The following COL4A4 variants were observed in gnomAD, a reference collection of about 807,000 sequenced individuals.
The protein encoded by COL4A4 is collagen type IV alpha 4 chain.
In COL4A4, 105 loss-of-function variants were observed where a neutral mutation model predicts 192.9. The observed-to-expected ratio is 0.54, with a 90% CI of 0.46 to 0.64. The LOEUF (loss-of-function observed/expected upper bound fraction) is 0.64. Ranked by LOEUF, COL4A4 falls within the 30% of genes least tolerant of loss-of-function variation. The probability of loss-of-function intolerance (pLI) is 0.00; values close to 1 mark genes in which losing one functional copy is unlikely to be tolerated. For missense variants in COL4A4, 1,967 were observed against 2,169.3 expected (o/e 0.91, Z 1.85); for synonymous variants, 762 against 769.9 (o/e 0.99, Z 0.17).
intron 28 of COL4A4, among the ~76,000 whole-genome samples, chr2:227,058,610 T>A (rs1038236610): frequency 6.6e-6 from 1 of 152,170 alleles, no homozygotes; most frequent in Non-Finnish European, 1.5e-5. Context: ...CACCGACTTT[T>A]AGAAAAGAAC....
chr2:227,032,953 C>T (rs754332342), intron 38 of COL4A4, among the ~76,000 whole-genome samples: 6 of 152,140 alleles, frequency 3.9e-5, no homozygotes, highest in Middle Eastern at 3.2e-3. Context: ...AACCTGTTTG[C>T]GGTATGAAAA....
the COL4A4 span, chr2:226,988,195 A>G: frequency 1.3e-6 from 1 of 744,174 alleles, no homozygotes; most frequent in Non-Finnish European, 2.1e-6. Context: ...TAATGTAATT[A>G]AAACTTACCC....
chr2:227,041,782 GGA>G (rs1971052472), intron 37 of COL4A4, among the ~76,000 whole-genome samples: 2 of 58,006 alleles, frequency 3.4e-5, no homozygotes, highest in African/African-American at 6.3e-5. Flanking sequence ...AAGGAAGGAA[GGA>G]AGGGAAAGAA....
intron 4 of COL4A4, among the ~76,000 whole-genome samples, chr2:227,125,410 T>C (rs1229355545): frequency 6.6e-6 from 1 of 151,992 alleles, no homozygotes; most frequent in Non-Finnish European, 1.5e-5. Context: ...GGTTTCACTG[T>C]GTTGGCCAGG....
chr2:227,085,287 A>T (rs949665137), intron 22 of COL4A4, among the ~76,000 whole-genome samples: 4 of 152,138 alleles, frequency 2.6e-5, no homozygotes, highest in African/African-American at 9.7e-5. Flanking sequence ...CATGGGGGGA[A>T]TCAACCCGCA....
the COL4A4 span, among the ~76,000 whole-genome samples, chr2:226,974,645 G>A: frequency 6.6e-6 from 1 of 152,098 alleles, no homozygotes; most frequent in Non-Finnish European, 1.5e-5. Context: ...ACATTCTTCT[G>A]GTTTGGTTCT....
intron 37 of COL4A4, among the ~76,000 whole-genome samples, chr2:227,040,137 T>C (rs556890544): frequency 1.3e-5 from 2 of 152,328 alleles, no homozygotes; most frequent in African/African-American, 4.8e-5. Flanking sequence ...TTCAAAACAG[T>C]AAAAGGATTA....
At chr2:227,061,397 G>A (rs1193400219) in intron 26 of COL4A4, among the ~76,000 whole-genome samples, 1 of 152,188 alleles carries the variant, frequency 6.6e-6, no homozygotes, top group African/African-American at 2.4e-5. Flanking sequence ...TCAGAGGTGT[G>A]GAGGGAGCCT....
rs1454854538 is a variant in COL4A4 at position 227,060,222 on chromosome 2, G to A, written c.2078C>T (p.Pro693Leu). 5 of 1,612,550 alleles carry A rather than the reference G, an allele frequency of 3.1e-6. No homozygotes were observed. The East Asian group carries it at 8.9e-5, about 29-fold the overall frequency. ...ACCACTCAGCCCAGGGGCACCTTGG[G>A]GACCTGGAAATCCCTTCGGACCTAA... ...GPPGPKGFPG[P>L]QGAPGLSGSD... Residue 693 changes from proline (P) to leucine (L), a missense_variant, in exon 27 of 48, where the codon CCC (proline) becomes CTC (leucine). Coordinates refer to ENST00000396625, the MANE Select transcript of COL4A4 (RefSeq NM_000092.5).
chr2:227,085,591 C>T (rs532569223), intron 22 of COL4A4, among the ~76,000 whole-genome samples: 5 of 152,226 alleles, frequency 3.3e-5, no homozygotes, highest in South Asian at 2.1e-4. Flanking sequence ...CCAATCATGG[C>T]GGAAGGTGAA....
At chr2:227,063,228 G>C (rs1482421613) in intron 25 of COL4A4, among the ~76,000 whole-genome samples, 1 of 152,128 alleles carries the variant, frequency 6.6e-6, no homozygotes, top group Non-Finnish European at 1.5e-5. Context: ...TTGAGGGTCT[G>C]AATGAAAAAT....
At chr2:227,076,960 A>C (rs1198054649) in intron 25 of COL4A4, among the ~76,000 whole-genome samples, 1 of 152,020 alleles carries the variant, frequency 6.6e-6, no homozygotes, top group Non-Finnish European at 1.5e-5. Flanking sequence ...CGGCAGTTAG[A>C]GTAGAGATTA....
intron 37 of COL4A4, among the ~76,000 whole-genome samples, chr2:227,034,379 G>A (rs1446828970): frequency 3.3e-5 from 5 of 152,074 alleles, no homozygotes; most frequent in Non-Finnish European, 5.9e-5. Flanking sequence ...AGCAGGTAAG[G>A]AATATTTATC....
chr2:227,040,514 G>C lies in COL4A4; in HGVS notation c.3505+1634C>G, dbSNP rs139283252. Among the ~76,000 whole-genome samples, 1,405 of 151,844 alleles carry C rather than the reference G, an allele frequency of 9.3e-3. 19 individuals carry two copies. Among genetic ancestry groups the C allele is most frequent in the African/African-American group, 0.032 (1,323 of 41,400 alleles). ...AACCTCCAAACAAATGTGATACAACGTAAGTGTTATGCTAAAGATATGTTC... is the reference window on the plus strand; with the variant it reads ...AACCTCCAAACAAATGTGATACAACCTAAGTGTTATGCTAAAGATATGTTC... On this transcript the variant is annotated intron_variant, in intron 37 of 47. Transcript: ENST00000396625.
intron 3 of COL4A4, among the ~76,000 whole-genome samples, chr2:227,143,936 G>GA (rs2063383450): frequency 6.6e-6 from 1 of 152,198 alleles, no homozygotes; most frequent in South Asian, 2.1e-4. Flanking sequence ...GATTTGCTTT[G>GA]AAAAAACCTA....
chr2:227,067,092 A>C (rs2058388710), intron 25 of COL4A4, among the ~76,000 whole-genome samples: 1 of 152,088 alleles, frequency 6.6e-6, no homozygotes, highest in Non-Finnish European at 1.5e-5. Flanking sequence ...ACAGACTTTA[A>C]ACCAACAAAG....
At position 227,004,948 on chromosome 2, in the gene COL4A4, G is replaced by A. The variant is rs1434634391; in HGVS notation, c.*2377C>T. On this transcript the variant is annotated 3_prime_UTR_variant, in exon 48 of 48. Coordinates refer to ENST00000396625, the MANE Select transcript of COL4A4 (RefSeq NM_000092.5). ...AAAAGCTTTGTTCATCACCTCCACA[G>A]AGAAAGGGTAATTGAAGGCACATTG... The A allele has an allele frequency of 2.0e-5, 3 of 152,210 alleles. No individual in the cohort carries two copies. Among genetic ancestry groups the A allele is most frequent in the African/African-American group, 7.2e-5 (3 of 41,460 alleles). 9.4% of individuals were successfully genotyped at this position (152,210 alleles called of 1,614,324 possible). A position where few individuals can be genotyped will look rare whatever the true frequency, so the allele number is the denominator to read the frequency against.
upstream of COL4A4, chr2:227,164,392 T>G: frequency 2.4e-6 from 1 of 410,502 alleles, no homozygotes. This position sits in a 1 kb window ranked among gnomAD's most constrained non-coding sequence, Gnocchi z 4.8. Flanking sequence ...CCTTAACCCC[T>G]TACCCTGGAT....
intron 1 of COL4A4, among the ~76,000 whole-genome samples, chr2:227,148,110 T>G (rs2063669297): frequency 6.6e-6 from 1 of 152,218 alleles, no homozygotes; most frequent in South Asian, 2.1e-4. Flanking sequence ...CTCAAAAAGT[T>G]AAACATAGAG....
Sources: gnomAD v4.1 joint callset for allele counts (sites outside exome capture counted in the v4.1 genomes callset) on GRCh38, gnomAD v4.1.1 for gene constraint, Gnocchi (gnomAD v3.1) non-coding constraint, MANE v1.5 for transcripts, NCBI Gene and HGNC (gene_info 2026-07-23, HGNC 2026-07-21) for gene names.